Variants in PTPRD observed in about 807,000 individuals in gnomAD.
PTPRD encodes protein tyrosine phosphatase receptor type D.
In PTPRD, 34 loss-of-function variants were observed where a neutral mutation model predicts 214.5. The observed-to-expected ratio is 0.16, with a 90% CI of 0.12 to 0.21. The LOEUF is 0.21. Among genes scored for constraint, PTPRD ranks in the 10% least tolerant of loss-of-function variants. PTPRD has a pLI of 1.00. For synonymous variants in PTPRD, 1,128 were observed against 845.7 expected (o/e 1.33, Z -5.79); for missense variants, 2,545 against 2,398.7 (o/e 1.06, Z -1.27).
At chr9:9,789,916 G>T (rs975213323) in intron 5 of PTPRD, among the ~76,000 whole-genome samples, 3 of 151,066 alleles carry the variant, frequency 2.0e-5, no homozygotes, top group African/African-American at 4.9e-5. Flanking sequence ...TTCTCTGGAT[G>T]AACTTCAATT....
At chr9:9,042,585 C>T (rs2099643354) in intron 10 of PTPRD, among the ~76,000 whole-genome samples, 1 of 149,694 alleles carries the variant, frequency 6.7e-6, no homozygotes, top group Admixed American at 6.7e-5. Flanking sequence ...AGAGAAAATA[C>T]TAGCCACTTA....
intron 8 of PTPRD, among the ~76,000 whole-genome samples, chr9:9,544,880 G>T (rs981491471): frequency 6.7e-6 from 1 of 148,824 alleles, no homozygotes; most frequent in Non-Finnish European, 1.5e-5. Flanking sequence ...GCAAATTCTA[G>T]CCGATAGCCC....
chr9:9,066,355 G>C (rs536320567), intron 10 of PTPRD, among the ~76,000 whole-genome samples: 2 of 151,996 alleles, frequency 1.3e-5, no homozygotes, highest in African/African-American at 2.4e-5. Flanking sequence ...GAAATGACAA[G>C]TCATATTTCC....
intron 2 of PTPRD, among the ~76,000 whole-genome samples, chr9:10,353,281 CT>C (rs767592482): frequency 2.0e-5 from 3 of 151,894 alleles, no homozygotes; most frequent in Non-Finnish European, 4.4e-5. Flanking sequence ...AACACATCCT[CT>C]GTGAAAAACT....
At chr9:9,308,409 G>A (rs1046344967) in intron 9 of PTPRD, among the ~76,000 whole-genome samples, 13 of 152,262 alleles carry the variant, frequency 8.5e-5, no homozygotes, top group African/African-American at 3.1e-4. Flanking sequence ...ATGGTCTTTG[G>A]ATGGCCAAAA....
chr9:9,570,262 A>G (rs2085956285), intron 8 of PTPRD, among the ~76,000 whole-genome samples: 1 of 151,524 alleles, frequency 6.6e-6, no homozygotes, highest in African/African-American at 2.4e-5. Context: ...TTAGACTTCT[A>G]TTGCATAATT....
intron 11 of PTPRD, among the ~76,000 whole-genome samples, chr9:8,870,312 A>G (rs1434373735): frequency 6.6e-6 from 1 of 152,144 alleles, no homozygotes; most frequent in Non-Finnish European, 1.5e-5. Flanking sequence ...ACAGATTTTA[A>G]GGGAGGAGAC....
chr9:10,319,003 C>G (rs138425552), intron 3 of PTPRD, among the ~76,000 whole-genome samples: 175 of 152,164 alleles, frequency 1.2e-3, no homozygotes, highest in African/African-American at 3.9e-3. Flanking sequence ...GCTTTTCCCT[C>G]TCCTTCTTCC....
At chr9:9,357,696 G>A (rs185443420) in intron 9 of PTPRD, among the ~76,000 whole-genome samples, 24 of 146,236 alleles carry the variant, frequency 1.6e-4, no homozygotes, top group Admixed American at 2.8e-4. Context: ...AGGATGTGCT[G>A]CTCAATAGTT....
chr9:9,625,776 G>A (rs1236104965), intron 7 of PTPRD, among the ~76,000 whole-genome samples: 11 of 152,186 alleles, frequency 7.2e-5, no homozygotes, highest in East Asian at 1.9e-4. Context: ...TTATCCGAAC[G>A]GCCAGCAAAG....
intron 9 of PTPRD, among the ~76,000 whole-genome samples, chr9:9,363,587 G>C (rs555944054): frequency 2.2e-4 from 34 of 151,322 alleles, no homozygotes; most frequent in African/African-American, 6.3e-4. Context: ...AAAATCTTAG[G>C]TGTTAGTACA....
intron 12 of PTPRD, among the ~76,000 whole-genome samples, chr9:8,689,610 AC>A (rs1156826733): frequency 6.6e-6 from 1 of 152,110 alleles, no homozygotes; most frequent in Non-Finnish European, 1.5e-5. Context: ...TGGGGAAACC[AC>A]CCCCATGATT....
At chr9:9,970,776 A>G (rs1261320685) in intron 4 of PTPRD, among the ~76,000 whole-genome samples, 3 of 152,188 alleles carry the variant, frequency 2.0e-5, no homozygotes, top group East Asian at 1.9e-4. Context: ...CTGGAGTATC[A>G]GTATCACTGT....
At chr9:8,542,201 G>A (rs1049453044) in intron 14 of PTPRD, among the ~76,000 whole-genome samples, 5 of 152,172 alleles carry the variant, frequency 3.3e-5, no homozygotes, top group African/African-American at 1.2e-4. Context: ...CAAGTGTGTG[G>A]GCACTTCGGT....
intron 9 of PTPRD, among the ~76,000 whole-genome samples, chr9:9,384,652 A>G (rs2063338825): frequency 6.6e-6 from 1 of 151,898 alleles, no homozygotes; most frequent in African/African-American, 2.4e-5. Context: ...CCTGGTTGTT[A>G]ATGTTTCTTG....
At chr9:9,322,538 C>G (rs1966992554) in intron 9 of PTPRD, among the ~76,000 whole-genome samples, 1 of 152,078 alleles carries the variant, frequency 6.6e-6, no homozygotes, top group Non-Finnish European at 1.5e-5. Context: ...ATGTAATAGA[C>G]CATTTTGGTA....
chr9:10,597,159 T>G (rs1276478977), intron 2 of PTPRD, among the ~76,000 whole-genome samples: 1 of 151,550 alleles, frequency 6.6e-6, no homozygotes, highest in Non-Finnish European at 1.5e-5. Flanking sequence ...ACAAATGCTT[T>G]ATTACGAATA....
chr9:10,259,116 G>A (rs2093508851), intron 3 of PTPRD, among the ~76,000 whole-genome samples: 2 of 151,850 alleles, frequency 1.3e-5, no homozygotes, highest in African/African-American at 4.8e-5. Flanking sequence ...TCCACCTCCC[G>A]GGTTCACACT....
At position 8,643,770 on chromosome 9, in the gene PTPRD, G is replaced by A. The variant is rs544858524; in HGVS notation, c.65-6926C>T. On this transcript the variant is annotated intron_variant, in intron 12 of 45. Transcript: ENST00000381196. Reference sequence around the variant, plus strand: ...CCAGACTTTAGGTACTGACCAGGGTGGAAGGGAAGCCAAGTGGGGAGCTGA... The same window carrying A: ...CCAGACTTTAGGTACTGACCAGGGTAGAAGGGAAGCCAAGTGGGGAGCTGA... 2.0e-5 allele frequency among the ~76,000 whole-genome samples: 3 copies of A among 152,334 alleles called. No individual in the cohort carries two copies. The East Asian group carries it at 5.8e-4, about 29-fold the overall frequency.
Sources: gnomAD v4.1 joint callset for allele counts (sites outside exome capture counted in the v4.1 genomes callset) on GRCh38, gnomAD v4.1.1 for gene constraint, MANE v1.5 for transcripts, NCBI Gene and HGNC (gene_info 2026-07-23, HGNC 2026-07-21) for gene names.